The following RASA1 variants were observed in gnomAD, a reference collection of about 807,000 sequenced individuals.
The protein encoded by RASA1 is ras GTPase-activating protein 1.
A neutral mutation model predicts 132.2 loss-of-function variants in RASA1; 25 were observed. The observed-to-expected ratio is 0.19, with a 90% CI of 0.14 to 0.26. The LOEUF is 0.26. Among genes scored for constraint, RASA1 ranks in the 10% least tolerant of loss-of-function variants. The probability of loss-of-function intolerance (pLI) is 1.00; values close to 1 mark genes in which losing one functional copy is unlikely to be tolerated. For missense variants in RASA1, 964 were observed against 1,299.2 expected, an observed-to-expected ratio of 0.74 and a Z score of 3.97; for synonymous variants, 477 against 449.9, an observed-to-expected ratio of 1.06 and a Z score of -0.76.
rs1757676959 is a variant in RASA1 at position 87,332,502 on chromosome 5, A to G, written c.693-5A>G. ...TTTATACTGTATTTTTTCCTGTTCAAATAGGATTATTGCTATGTGTGGAGA... is the reference window on the plus strand; with the variant it reads ...TTTATACTGTATTTTTTCCTGTTCAGATAGGATTATTGCTATGTGTGGAGA... On this transcript the variant is annotated splice_polypyrimidine_tract_variant and splice_region_variant and intron_variant, in intron 2 of 24. Transcript: ENST00000274376. 6.2e-7 allele frequency: 1 copy of G among 1,605,516 alleles called. No individual in the cohort carries two copies. The highest frequency in any genetic ancestry group is 8.5e-7 in the Non-Finnish European group (1 of 1,173,036).
At chr5:87,282,885 A>G (rs1340848203) in intron 1 of RASA1, among the ~76,000 whole-genome samples, 2 of 152,212 alleles carry the variant, frequency 1.3e-5, no homozygotes, top group Admixed American at 6.5e-5. Flanking sequence ...TGTGTTGTGT[A>G]CAACAGATAT....
At chr5:87,375,141 A>T (rs1761235053) in intron 15 of RASA1, among the ~76,000 whole-genome samples, 1 of 152,328 alleles carries the variant, frequency 6.6e-6, no homozygotes, top group African/African-American at 2.4e-5. Flanking sequence ...TAAGCAATTA[A>T]GATTAAAATA....
At chr5:87,312,507 G>T (rs1263430982) in intron 1 of RASA1, among the ~76,000 whole-genome samples, 1 of 152,142 alleles carries the variant, frequency 6.6e-6, no homozygotes, top group East Asian at 1.9e-4. Context: ...AATATTGACA[G>T]CTATAACCTA....
At chr5:87,382,037 C>T (rs931703891) in intron 20 of RASA1, among the ~76,000 whole-genome samples, 3 of 152,098 alleles carry the variant, frequency 2.0e-5, no homozygotes, top group South Asian at 2.1e-4. Context: ...CTGCAACCCC[C>T]GCCTCCCAGG....
intron 13 of RASA1, among the ~76,000 whole-genome samples, chr5:87,372,972 G>A (rs1303233249): frequency 6.6e-6 from 1 of 152,088 alleles, no homozygotes; most frequent in Non-Finnish European, 1.5e-5. Context: ...CTTCCCCAGG[G>A]AAATTTAAGT....
At chr5:87,297,893 A>T (rs1293399589) in intron 1 of RASA1, among the ~76,000 whole-genome samples, 2 of 152,064 alleles carry the variant, frequency 1.3e-5, no homozygotes, top group East Asian at 1.9e-4. Context: ...AGGCTTTCTT[A>T]CCCTGGCACT....
chr5:87,383,632 T>A lies in RASA1; in HGVS notation c.2691-81T>A, dbSNP rs566862326. The A allele has an allele frequency of 2.3e-4, 251 of 1,081,306 alleles. 5 individuals carry two copies. In the South Asian group the frequency reaches 3.5e-3, roughly 15 times the overall value. The allele number at this position is 1,081,306 out of a possible 1,614,324, so 67.0% of individuals were successfully genotyped here. A position where few individuals can be genotyped will look rare whatever the true frequency, so the allele number is the denominator to read the frequency against. ...TGGGTTCTATGAGTACTAAAAATTC[T>A]GTTTATATATATTGTTTTAATGTAA... On this transcript the variant is annotated intron_variant, in intron 20 of 24. Coordinates refer to ENST00000274376, the MANE Select transcript of RASA1 (RefSeq NM_002890.3).
chr5:87,322,694 T>C (rs1464214640), intron 1 of RASA1, among the ~76,000 whole-genome samples: 1 of 152,190 alleles, frequency 6.6e-6, no homozygotes, highest in East Asian at 1.9e-4. Flanking sequence ...TAAACCACTT[T>C]TCTTTACCAA....
chr5:87,324,188 C>G (rs770826364), intron 1 of RASA1, among the ~76,000 whole-genome samples: 6 of 152,130 alleles, frequency 3.9e-5, no homozygotes, highest in Non-Finnish European at 8.8e-5. Context: ...AGAATTGATA[C>G]TGTTTTGAGG....
Position 87,268,798 on chromosome 5 carries a change from T to C in RASA1, c.347T>C (p.Leu116Pro), listed in dbSNP as rs145201086. The C allele has an allele frequency of 6.4e-5, 103 of 1,614,100 alleles. No homozygotes were observed. In the African/African-American group the frequency reaches 9.5e-4, roughly 15 times the overall value. ...GCTGGACCTAGTGGAGACATGGCTC[T>C]CACCAAACTGCCCACTTCGTTGCTT... ...AVAGPSGDMA[L>P]TKLPTSLLAE... The change falls in exon 1 of 25, where the codon CTC becomes CCC. Residue 116 changes from leucine to proline, a missense_variant. This residue lies in a region of RASA1 where 326 missense variants were observed against 275.8 expected (regional missense o/e 1.18). Coordinates refer to ENST00000274376, the MANE Select transcript of RASA1 (RefSeq NM_002890.3).
intron 1 of RASA1, among the ~76,000 whole-genome samples, chr5:87,329,094 G>A (rs1014865048): frequency 6.6e-6 from 1 of 151,924 alleles, no homozygotes; most frequent in African/African-American, 2.4e-5. Context: ...TTAGATTAAT[G>A]TCTTTCTCCT....
intron 4 of RASA1, 141 bp downstream of exon 4, chr5:87,333,478 G>C: frequency 7.5e-7 from 1 of 1,339,340 alleles, no homozygotes; most frequent in Non-Finnish European, 1.0e-6. Context: ...TGGGTCTGTT[G>C]GTCCTGTATC....
chr5:87,317,991 T>C (rs1756476627), intron 1 of RASA1, among the ~76,000 whole-genome samples: 2 of 152,158 alleles, frequency 1.3e-5, no homozygotes, highest in Non-Finnish European at 2.9e-5. Context: ...GCTTTGCCTT[T>C]TCAAATATCC....
intron 1 of RASA1, among the ~76,000 whole-genome samples, chr5:87,275,019 C>T (rs921438478): frequency 6.6e-6 from 1 of 152,074 alleles, no homozygotes; most frequent in African/African-American, 2.4e-5. Flanking sequence ...ATTAGCCACT[C>T]TGGGGAAAAC....
chr5:87,287,015 C>T (rs553883125), intron 1 of RASA1, among the ~76,000 whole-genome samples: 5 of 146,948 alleles, frequency 3.4e-5, no homozygotes, highest in African/African-American at 1.2e-4. Flanking sequence ...CATATATATA[C>T]ACCATATATA....
At chr5:87,294,894 A>G (rs895585020) in intron 1 of RASA1, among the ~76,000 whole-genome samples, 7 of 152,216 alleles carry the variant, frequency 4.6e-5, no homozygotes, top group Admixed American at 2.6e-4. Context: ...GTTAAACTAT[A>G]TCTTTACTGA....
chr5:87,273,702 T>C (rs1273039192), intron 1 of RASA1, among the ~76,000 whole-genome samples: 3 of 136,926 alleles, frequency 2.2e-5, no homozygotes, highest in East Asian at 4.1e-4. Context: ...TTCTTTTTCT[T>C]TTTTTTTTTT....
At position 87,376,327 on chromosome 5, in the gene RASA1, A is replaced by T. The variant is rs553012250; in HGVS notation, c.2012-66A>T. On this transcript the variant is annotated intron_variant, in intron 15 of 24. Transcript: ENST00000274376. ...ATAGGGAAGACTGAACACCAGGAAA[A>T]TTTACTTGCATGACTAATTATCGTG... is the stretch of plus-strand genomic sequence containing the variant. The T allele has an allele frequency of 1.6e-5, 25 of 1,574,200 alleles. No individual in the cohort carries two copies. In the African/African-American group the frequency reaches 2.7e-4, roughly 17 times the overall value.
intron 24 of RASA1, 126 bp downstream of exon 24, chr5:87,389,653 A>G (rs1421950894): frequency 8.0e-7 from 1 of 1,245,198 alleles, no homozygotes; most frequent in East Asian, 2.4e-5. Flanking sequence ...TCTGCATCAT[A>G]TTACAAAAGA....
Sources: gnomAD v4.1 joint callset for allele counts (sites outside exome capture counted in the v4.1 genomes callset) on GRCh38, gnomAD v4.1.1 for gene constraint, gnomAD v4.1.1 regional missense constraint, MANE v1.5 for transcripts, NCBI Gene and HGNC (gene_info 2026-07-23, HGNC 2026-07-21) for gene names.